Variants in TNIK observed in about 807,000 individuals in gnomAD.
TNIK encodes TRAF2 and NCK interacting kinase.
Under a neutral mutation model 191.3 loss-of-function variants are expected in TNIK, and 49 were observed. The ratio of observed to expected loss-of-function variants is 0.26; its 90% confidence interval spans 0.20 to 0.32. The LOEUF is 0.32. Ranked by LOEUF, TNIK falls within the 10% of genes least tolerant of loss-of-function variation. TNIK has a pLI of 1.00. For synonymous variants in TNIK, 594 were observed against 600.9 expected, an observed-to-expected ratio of 0.99 and a Z score of 0.17; for missense variants, 1,155 against 1,702.3, an observed-to-expected ratio of 0.68 and a Z score of 5.66.
Position 171,418,457 on chromosome 3 carries a change from A to G in TNIK, c.57+41550T>C, listed in dbSNP as rs1412597685. On this transcript the variant is annotated intron_variant, in intron 1 of 32. Coordinates refer to ENST00000436636, the MANE Select transcript of TNIK (RefSeq NM_015028.4). ...AAACAACCCAAATGTCCATCAACTGATGAATAGATAAACAACATTTACAGT... is the reference window on the plus strand; with the variant it reads ...AAACAACCCAAATGTCCATCAACTGGTGAATAGATAAACAACATTTACAGT... 3.3e-5 allele frequency among the ~76,000 whole-genome samples: 5 copies of G among 152,344 alleles called. No individual in the cohort carries two copies. The East Asian group carries it at 9.6e-4, about 29-fold the overall frequency.
chr3:171,430,310 G>A (rs1725206511), intron 1 of TNIK, among the ~76,000 whole-genome samples: 1 of 151,930 alleles, frequency 6.6e-6, no homozygotes, highest in Non-Finnish European at 1.5e-5. Context: ...ATGCCTTTAC[G>A]CTAAACAATG....
Position 171,374,335 on chromosome 3 carries a change from C to T in TNIK, c.58-4650G>A, listed in dbSNP as rs547843617. The stretch of plus-strand genomic sequence containing the variant: ...GCCTGTTGTAGTAAACTGTGCCTCA[C>T]GTGCATTGAGAAGACAGGCTGTCAG... On this transcript the variant is annotated intron_variant, in intron 1 of 32. Coordinates refer to ENST00000436636, the MANE Select transcript of TNIK (RefSeq NM_015028.4). Among the ~76,000 whole-genome samples, 13 of 152,294 alleles carry T rather than the reference C, an allele frequency of 8.5e-5. No homozygotes were observed. The South Asian group carries it at 2.5e-3, about 29-fold the overall frequency.
chr3:171,459,226 A>T (rs868167017), intron 1 of TNIK, among the ~76,000 whole-genome samples: 26 of 90,466 alleles, frequency 2.9e-4, no homozygotes, highest in Middle Eastern at 5.0e-3. Context: ...ACACACACAG[A>T]CACACACACA....
At chr3:171,437,490 C>G (rs1456726008) in intron 1 of TNIK, among the ~76,000 whole-genome samples, 2 of 152,224 alleles carry the variant, frequency 1.3e-5, no homozygotes, top group Non-Finnish European at 2.9e-5. Flanking sequence ...GAGGCTTTTA[C>G]CCTGTGCCTC....
At chr3:171,326,060 T>C (rs1170966046) in intron 2 of TNIK, among the ~76,000 whole-genome samples, 7 of 152,280 alleles carry the variant, frequency 4.6e-5, no homozygotes, top group South Asian at 2.1e-4. Context: ...CAGCATGTTA[T>C]GTGGCAGGGA....
chr3:171,184,319 T>C (rs1328283679), intron 7 of TNIK, among the ~76,000 whole-genome samples: 1 of 152,228 alleles, frequency 6.6e-6, no homozygotes, highest in Non-Finnish European at 1.5e-5. Flanking sequence ...AATAATCCCA[T>C]TTCACACATA....
intron 2 of TNIK, among the ~76,000 whole-genome samples, chr3:171,261,876 G>A (rs1350387000): frequency 1.3e-5 from 2 of 152,200 alleles, no homozygotes; most frequent in Non-Finnish European, 1.5e-5. Context: ...GCCGGGAGGA[G>A]ACACAAAACT....
At chr3:171,156,733 G>C (rs942347231) in intron 12 of TNIK, among the ~76,000 whole-genome samples, 2 of 152,224 alleles carry the variant, frequency 1.3e-5, no homozygotes, top group Non-Finnish European at 2.9e-5. Context: ...ACACAGATAA[G>C]CAGTATCTGC....
At chr3:171,373,631 G>A (rs980432853) in intron 1 of TNIK, among the ~76,000 whole-genome samples, 1 of 152,156 alleles carries the variant, frequency 6.6e-6, no homozygotes, top group Non-Finnish European at 1.5e-5. Flanking sequence ...ACAAGATACG[G>A]TTCAAACTGA....
chr3:171,335,165 T>C (rs917187512), intron 2 of TNIK, among the ~76,000 whole-genome samples: 4 of 152,228 alleles, frequency 2.6e-5, no homozygotes, highest in African/African-American at 9.6e-5. Flanking sequence ...TTCATATTTC[T>C]ATCCCCAGGG....
intron 2 of TNIK, among the ~76,000 whole-genome samples, chr3:171,347,729 A>G (rs1712487473): frequency 6.6e-6 from 1 of 152,188 alleles, no homozygotes; most frequent in Non-Finnish European, 1.5e-5. Flanking sequence ...AAAAGCTTTT[A>G]TAATAGCCTG....
chr3:171,120,968 A>C (rs1053283266), intron 18 of TNIK, among the ~76,000 whole-genome samples: 2 of 152,188 alleles, frequency 1.3e-5, no homozygotes, highest in African/African-American at 4.8e-5. Context: ...TCCCAGGGCC[A>C]CATGCAGCTT....
chr3:171,296,043 A>G (rs190637271), intron 2 of TNIK, among the ~76,000 whole-genome samples: 2 of 152,226 alleles, frequency 1.3e-5, no homozygotes, highest in South Asian at 4.1e-4. Context: ...TAAAAACAGT[A>G]TATTTTTAAA....
chr3:171,262,413 G>A (rs137877427), intron 2 of TNIK, among the ~76,000 whole-genome samples: 5 of 152,022 alleles, frequency 3.3e-5, no homozygotes, highest in South Asian at 2.1e-4. Flanking sequence ...ATCTCAATTT[G>A]TCTTGTCCCC....
At chr3:171,351,319 T>TA (rs1713170381) in intron 2 of TNIK, among the ~76,000 whole-genome samples, 2 of 122,946 alleles carry the variant, frequency 1.6e-5, no homozygotes, top group South Asian at 5.3e-4. Context: ...GAGGTGTGTA[T>TA]ATGTGTGTCT....
intron 12 of TNIK, among the ~76,000 whole-genome samples, chr3:171,148,959 C>A (rs1184568753): frequency 2.0e-5 from 3 of 152,176 alleles, no homozygotes; most frequent in African/African-American, 4.8e-5. Flanking sequence ...AAAAGGAATT[C>A]TTGCTTTGAG....
At chr3:171,331,484 C>G (rs1756418565) in intron 2 of TNIK, among the ~76,000 whole-genome samples, 1 of 152,154 alleles carries the variant, frequency 6.6e-6, no homozygotes, top group African/African-American at 2.4e-5. Context: ...ATGACTGCAT[C>G]TAAAACTCAT....
chr3:171,245,758 G>T (rs931578747), intron 2 of TNIK, among the ~76,000 whole-genome samples: 1 of 152,160 alleles, frequency 6.6e-6, no homozygotes, highest in East Asian at 1.9e-4. Flanking sequence ...ACTCACTACT[G>T]AATGCCTCAA....
rs1734720508 is a variant in TNIK at position 171,167,162 on chromosome 3, A to G, written c.882T>C (p.Asn294=). ...MKHPFIRDQP[N]ERQVRIQLKD... ...TGAGTTGAATGCGGACCTGTCGCTC[A>G]TTAGGTTGGTCTCGTATAAATGGAT... Residue 294 remains asparagine (N), a synonymous_variant, in exon 10 of 33, where the codon AAT becomes AAC. Transcript: ENST00000436636. 1.2e-6 allele frequency: 2 copies of G among 1,613,910 alleles called. No homozygotes were observed. Among genetic ancestry groups the G allele is most frequent in the Non-Finnish European group, 8.5e-7 (1 of 1,179,874 alleles).
Sources: allele counts gnomAD v4.1 joint callset (sites outside exome capture counted in the v4.1 genomes callset), GRCh38; gene constraint gnomAD v4.1.1; transcripts MANE v1.5; gene names NCBI Gene and HGNC (gene_info 2026-07-23, HGNC 2026-07-21).